PTPN1: variants seen among roughly 807,000 people sequenced by gnomAD.
PTPN1 encodes the protein tyrosine-protein phosphatase non-receptor type 1.
Under a neutral mutation model 59.9 loss-of-function variants are expected in PTPN1, and 12 were observed. The ratio of observed to expected loss-of-function variants is 0.20; its 90% CI spans 0.13 to 0.32. The LOEUF (loss-of-function observed/expected upper bound fraction) is 0.32, where lower values mean the gene tolerates loss of function less well. Among genes scored for constraint, PTPN1 ranks in the 10% least tolerant of loss-of-function variants. PTPN1 has a pLI of 1.00. For missense variants in PTPN1, 356 were observed against 549.2 expected, an observed-to-expected ratio of 0.65 and a Z score of 3.52; for synonymous variants, 178 against 203.6, an observed-to-expected ratio of 0.87 and a Z score of 1.07.
At chr20:50,527,285 A>G (rs945366177) in intron 1 of PTPN1, among the ~76,000 whole-genome samples, 2 of 152,108 alleles carry the variant, frequency 1.3e-5, no homozygotes, top group Admixed American at 6.5e-5. Context: ...TTCATCTTCC[A>G]GTCACTCTGT....
intron 1 of PTPN1, among the ~76,000 whole-genome samples, chr20:50,511,821 G>C (rs1488989317): frequency 1.3e-5 from 2 of 152,178 alleles, no homozygotes; most frequent in African/African-American, 2.4e-5. Context: ...CTTGTGTAAA[G>C]GGAGACAGCA....
chr20:50,522,861 C>T (rs2122725656), intron 1 of PTPN1, among the ~76,000 whole-genome samples: 1 of 152,184 alleles, frequency 6.6e-6, no homozygotes, highest in South Asian at 2.1e-4. Context: ...TCAAGTGATT[C>T]TCCTGCCTCA....
chr20:50,561,973 T>C (rs1244738309), intron 2 of PTPN1, among the ~76,000 whole-genome samples: 1 of 152,208 alleles, frequency 6.6e-6, no homozygotes, highest in African/African-American at 2.4e-5. Context: ...TTCCTAGGAT[T>C]GTCAGTGTGC....
In PTPN1 at chr20:50,582,124, G is replaced by A. The variant is rs2082871783; in HGVS notation, c.1285-568G>A. Among the ~76,000 whole-genome samples the A allele has an allele frequency of 6.6e-6, 1 of 152,222 alleles. No homozygotes were observed. The highest frequency in any genetic ancestry group is 2.1e-4 in the South Asian group (1 of 4,836). On this transcript the variant is annotated intron_variant, in intron 9 of 9. Coordinates refer to ENST00000371621, the MANE Select transcript of PTPN1 (RefSeq NM_002827.4). The surrounding 1 kb of genome is among the most constrained non-coding windows in gnomAD (Gnocchi z 4.2). ...AGAACCTGCCTCTGCTTCTGCTCAG[G>A]GTGTCCCCGCTGGGTTTCCATTGTC... is the stretch of plus-strand genomic sequence containing the variant.
chr20:50,547,252 A>G (rs553068218), intron 1 of PTPN1, among the ~76,000 whole-genome samples: 1 of 152,304 alleles, frequency 6.6e-6, no homozygotes, highest in East Asian at 1.9e-4. Flanking sequence ...TTTGGTAACG[A>G]TTCTATTCTG....
intron 1 of PTPN1, among the ~76,000 whole-genome samples, chr20:50,551,046 A>G (rs2082700113): frequency 6.6e-6 from 1 of 152,182 alleles, no homozygotes; most frequent in Admixed American, 6.5e-5. Flanking sequence ...CTTTTCACCC[A>G]AGTTTGACTT....
chr20:50,559,101 G>A (rs1262583031), intron 1 of PTPN1, among the ~76,000 whole-genome samples: 2 of 143,964 alleles, frequency 1.4e-5, no homozygotes, highest in East Asian at 2.0e-4. Context: ...GCGCCAACTC[G>A]GCTCACTGCA....
chr20:50,564,915 T>C, intron 2 of PTPN1, 54 bp from the exon 3 acceptor site: 5 of 1,609,590 alleles, frequency 3.1e-6, no homozygotes, highest in Non-Finnish European at 4.2e-6. Context: ...TGCACCTGTA[T>C]GTACACATTC....
At chr20:50,564,875 A>ACCAACTCACCT in intron 2 of PTPN1, 94 bp from the exon 3 acceptor site, 1 of 1,561,874 alleles carries the variant, frequency 6.4e-7, no homozygotes, top group Non-Finnish European at 8.6e-7. Context: ...CACTAATGCC[A>ACCAACTCACCT]CCAACTCACC....
At chr20:50,559,900 TA>T (rs1255466098) in intron 1 of PTPN1, among the ~76,000 whole-genome samples, 2 of 152,000 alleles carry the variant, frequency 1.3e-5, no homozygotes, top group East Asian at 3.9e-4. Flanking sequence ...GTTTTTATGT[TA>T]GAGACTTTCC....
At chr20:50,544,910 G>A (rs1386591337) in intron 1 of PTPN1, among the ~76,000 whole-genome samples, 1 of 152,158 alleles carries the variant, frequency 6.6e-6, no homozygotes, top group Non-Finnish European at 1.5e-5. Flanking sequence ...GAAGGCTGAG[G>A]CATGAGAATT....
At chr20:50,542,767 C>T (rs376132396) in intron 1 of PTPN1, among the ~76,000 whole-genome samples, 17 of 152,286 alleles carry the variant, frequency 1.1e-4, no homozygotes, top group African/African-American at 3.4e-4. Context: ...CAAAATTGAT[C>T]ATATGTTATT....
chr20:50,564,682 A>G lies in PTPN1; in HGVS notation c.155-287A>G, dbSNP rs62204809. Among the ~76,000 whole-genome samples the G allele has an allele frequency of 9.1e-3, 1,386 of 152,292 alleles. 5 individuals carry two copies. The highest frequency in any genetic ancestry group is 0.017 in the South Asian group (80 of 4,828). ...TTTGGGGGAGAGTAATAAGTATCACAACAAGATATGACCTGAGAACAGATT... is the reference window on the plus strand; with the variant it reads ...TTTGGGGGAGAGTAATAAGTATCACGACAAGATATGACCTGAGAACAGATT... On this transcript the variant is annotated intron_variant, in intron 2 of 9. Coordinates refer to ENST00000371621, the MANE Select transcript of PTPN1 (RefSeq NM_002827.4).
At position 50,543,926 on chromosome 20, in the gene PTPN1, A is replaced by AC. The variant is rs535112276; in HGVS notation, c.64-17435dup. Among the ~76,000 whole-genome samples, 43 of 151,920 alleles carry AC rather than the reference A, an allele frequency of 2.8e-4. 1 individual carries two copies. In the South Asian group the frequency reaches 8.8e-3, roughly 31 times the overall value. On this transcript the variant is annotated intron_variant, in intron 1 of 9. Transcript: ENST00000371621. ...AATGGTGCAATCTCGGCTCGCTACA[A>AC]CCTCCGCTTCCTGAGTTCAAGCAAT...
At chr20:50,519,631 C>G (rs768487236) in intron 1 of PTPN1, among the ~76,000 whole-genome samples, 9 of 152,212 alleles carry the variant, frequency 5.9e-5, no homozygotes, top group African/African-American at 7.2e-5. Flanking sequence ...CTTCTAACCA[C>G]TTAAGAACTG....
At chr20:50,530,724 A>G (rs2082597165) in intron 1 of PTPN1, among the ~76,000 whole-genome samples, 4 of 133,338 alleles carry the variant, frequency 3.0e-5, no homozygotes, top group Non-Finnish European at 4.8e-5. Context: ...ACAGAGTTTC[A>G]CTCTGTCACC....
In PTPN1 at chr20:50,582,788, A is replaced by G; in HGVS notation, c.*73A>G. ...CAGAGCCCACGCCCGACTAGCAGGC[A>G]TGCCGCGGTAGGTAAGGGCCGCCGG... is the stretch of plus-strand genomic sequence containing the variant. On this transcript the variant is annotated 3_prime_UTR_variant, in exon 10 of 10. Transcript: ENST00000371621. The surrounding 1 kb of genome is among the most constrained non-coding windows in gnomAD (Gnocchi z 4.2). The G allele has an allele frequency of 6.3e-7, 1 of 1,589,666 alleles. No homozygotes were observed. The highest frequency in any genetic ancestry group is 8.6e-7 in the Non-Finnish European group (1 of 1,162,660).
At chr20:50,579,371 ACTTTTTTGT>A (rs751902161) in intron 7 of PTPN1, 42 bp downstream of exon 7, 1 of 1,584,424 alleles carries the variant, frequency 6.3e-7, no homozygotes, top group African/African-American at 1.4e-5. Context: ...GACCATTTTA[ACTTTTTTGT>A]CTTTGAAGGA....
intron 1 of PTPN1, among the ~76,000 whole-genome samples, chr20:50,540,580 G>A (rs1189885920): frequency 6.6e-6 from 1 of 152,160 alleles, no homozygotes; most frequent in Non-Finnish European, 1.5e-5. Context: ...TTCAACGTGA[G>A]ATTTGGAGGG....
Sources: allele counts gnomAD v4.1 joint callset (sites outside exome capture counted in the v4.1 genomes callset), GRCh38; gene constraint gnomAD v4.1.1; non-coding constraint Gnocchi (gnomAD v3.1); transcripts MANE v1.5; gene names NCBI Gene and HGNC (gene_info 2026-07-23, HGNC 2026-07-21).